The following MEIS2 variants were observed in gnomAD, a reference collection of about 807,000 sequenced individuals.
MEIS2 encodes the protein Meis homeobox 2.
A neutral mutation model predicts 58.6 loss-of-function variants in MEIS2; 9 were observed. That is an observed-to-expected ratio of 0.15 (90% CI 0.09 to 0.27). The LOEUF is 0.27. Among genes scored for constraint, MEIS2 ranks in the 10% least tolerant of loss-of-function variants. MEIS2 has a pLI of 1.00. For missense variants in MEIS2, 427 were observed against 635.0 expected, an observed-to-expected ratio of 0.67 and a Z score of 3.52; for synonymous variants, 221 against 228.4, an observed-to-expected ratio of 0.97 and a Z score of 0.29.
At chr15:36,917,031 G>A (rs1357040967) in intron 9 of MEIS2, among the ~76,000 whole-genome samples, 4 of 152,190 alleles carry the variant, frequency 2.6e-5, no homozygotes, top group East Asian at 1.9e-4. Context: ...ACACGCATGC[G>A]TGCAAATGAT....
intron 8 of MEIS2, among the ~76,000 whole-genome samples, chr15:36,997,214 T>C (rs2060553885): frequency 6.6e-6 from 1 of 152,202 alleles, no homozygotes; most frequent in South Asian, 2.1e-4. Flanking sequence ...TCAGAGAATC[T>C]GATTAAAGTT....
At chr15:36,952,021 A>G (rs1338183342) in intron 8 of MEIS2, among the ~76,000 whole-genome samples, 1 of 152,140 alleles carries the variant, frequency 6.6e-6, no homozygotes, top group Non-Finnish European at 1.5e-5. Flanking sequence ...CTGGTCATCA[A>G]TCGTTGCCTG....
chr15:36,978,358 C>CA (rs2059825300), intron 8 of MEIS2, among the ~76,000 whole-genome samples: 4 of 152,230 alleles, frequency 2.6e-5, no homozygotes, highest in African/African-American at 9.6e-5. Context: ...CCTGAGGTAA[C>CA]ACTGTCAGTA....
At chr15:37,011,906 C>G (rs557733842) in intron 8 of MEIS2, among the ~76,000 whole-genome samples, 1 of 152,236 alleles carries the variant, frequency 6.6e-6, no homozygotes, top group African/African-American at 2.4e-5. Flanking sequence ...GTGTGAGGCA[C>G]TGCGCCCGGT....
intron 8 of MEIS2, among the ~76,000 whole-genome samples, chr15:37,032,011 T>G (rs769252972): frequency 3.3e-5 from 5 of 152,082 alleles, no homozygotes; most frequent in Non-Finnish European, 7.4e-5. Flanking sequence ...GGCTAAATTT[T>G]TATTCTTTTG....
chr15:36,977,382 G>A (rs2059793008), intron 8 of MEIS2, among the ~76,000 whole-genome samples: 1 of 152,114 alleles, frequency 6.6e-6, no homozygotes. Flanking sequence ...AAATCTTGTT[G>A]ATTGGAAGGA....
intron 8 of MEIS2, among the ~76,000 whole-genome samples, chr15:36,986,771 C>T (rs962290795): frequency 6.6e-6 from 1 of 152,156 alleles, no homozygotes; most frequent in East Asian, 1.9e-4. Flanking sequence ...CTTTCAAAAG[C>T]GTTATCTTGT....
intron 7 of MEIS2, among the ~76,000 whole-genome samples, chr15:37,047,546 A>G (rs969514766): frequency 3.9e-5 from 6 of 152,186 alleles, no homozygotes; most frequent in Admixed American, 6.5e-5. Flanking sequence ...AAATGTTATA[A>G]TTAGGAGCCT....
At chr15:37,029,116 A>C (rs2061814274) in intron 8 of MEIS2, among the ~76,000 whole-genome samples, 1 of 152,164 alleles carries the variant, frequency 6.6e-6, no homozygotes, top group Admixed American at 6.5e-5. Flanking sequence ...CCATTCAAAT[A>C]ATTCACAGAT....
intron 9 of MEIS2, among the ~76,000 whole-genome samples, chr15:36,946,810 C>A (rs2058582552): frequency 6.6e-6 from 1 of 151,972 alleles, no homozygotes; most frequent in South Asian, 2.1e-4. Flanking sequence ...GAAGGTCAAA[C>A]ATCTATCAAA....
At chr15:36,959,271 T>C (rs139893461) in intron 8 of MEIS2, among the ~76,000 whole-genome samples, 1 of 152,152 alleles carries the variant, frequency 6.6e-6, no homozygotes, top group Non-Finnish European at 1.5e-5. Flanking sequence ...TATCCAGATT[T>C]TTTTCCTGCA....
At chr15:37,048,091 T>G (rs1037836361) in intron 7 of MEIS2, among the ~76,000 whole-genome samples, 1 of 152,160 alleles carries the variant, frequency 6.6e-6, no homozygotes, top group Non-Finnish European at 1.5e-5. Flanking sequence ...AACAGGTCTT[T>G]CAAGGAAAGA....
intron 9 of MEIS2, among the ~76,000 whole-genome samples, chr15:36,901,652 A>T (rs559229123): frequency 6.6e-6 from 1 of 152,336 alleles, no homozygotes; most frequent in East Asian, 1.9e-4. Context: ...CTACACCTTT[A>T]AAAACACATG....
intron 8 of MEIS2, among the ~76,000 whole-genome samples, chr15:37,020,650 T>C (rs1364259927): frequency 6.6e-6 from 1 of 151,090 alleles, no homozygotes; most frequent in Admixed American, 6.6e-5. Flanking sequence ...GTAATCCTAA[T>C]GGCATTACTC....
intron 9 of MEIS2, among the ~76,000 whole-genome samples, chr15:36,920,704 T>G (rs148700497): frequency 6.6e-6 from 1 of 152,336 alleles, no homozygotes; most frequent in African/African-American, 2.4e-5. Flanking sequence ...AGGAATACAG[T>G]CTTGACTTAG....
Position 37,036,918 on chromosome 15 carries a change from C to T in MEIS2, c.796G>A (p.Asp266Asn). Residue 266 changes from aspartate to asparagine, a missense_variant, in exon 8 of 12, where the codon GAC (aspartate) becomes AAC (asparagine). Transcript: ENST00000561208. ...DNSVASPGTG[D>N]DDDPDKDKKR... ...TTGTCCTTATCCGGATCATCATCGT[C>T]ACCTGTACCAGGTGAAGCTACACTG... 1 of 1,613,936 alleles carries T rather than the reference C, an allele frequency of 6.2e-7. No individual in the cohort carries two copies. The highest frequency in any genetic ancestry group is 8.5e-7 in the Non-Finnish European group (1 of 1,179,968).
intron 8 of MEIS2, among the ~76,000 whole-genome samples, chr15:37,020,996 G>A (rs1283838978): frequency 1.3e-5 from 2 of 152,116 alleles, no homozygotes; most frequent in African/African-American, 4.8e-5. Flanking sequence ...TGCAGGGACA[G>A]GGAGAAGGTG....
intron 8 of MEIS2, among the ~76,000 whole-genome samples, chr15:36,993,369 T>C (rs2060366768): frequency 6.6e-6 from 1 of 152,188 alleles, no homozygotes; most frequent in African/African-American, 2.4e-5. Context: ...GGGCATCATA[T>C]CATTTCTTAT....
intron 1 of MEIS2, 161 bp downstream of exon 1, chr15:37,099,294 G>T: frequency 6.7e-7 from 1 of 1,495,774 alleles, no homozygotes. Flanking sequence ...AGGCACGGGA[G>T]GGAAAGAAGC....
Sources: gnomAD v4.1 joint callset for allele counts (sites outside exome capture counted in the v4.1 genomes callset) on GRCh38, gnomAD v4.1.1 for gene constraint, MANE v1.5 for transcripts, NCBI Gene and HGNC (gene_info 2026-07-23, HGNC 2026-07-21) for gene names.